TRHDE: variants seen among roughly 807,000 people sequenced by gnomAD.
The protein encoded by TRHDE is thyrotropin releasing hormone degrading enzyme.
TRHDE carries 72 observed loss-of-function variants against 125.7 expected under a neutral mutation model. The ratio of observed to expected loss-of-function variants is 0.57; its 90% CI spans 0.47 to 0.70. The LOEUF (loss-of-function observed/expected upper bound fraction) is 0.70, where lower values mean the gene tolerates loss of function less well. Ranked by LOEUF, TRHDE falls within the 30% of genes least tolerant of loss-of-function variation. The pLI, the probability that TRHDE is intolerant of heterozygous loss-of-function variation, is 0.00. For missense variants in TRHDE, 1,110 were observed against 1,327.1 expected (o/e 0.84, Z 2.54); for synonymous variants, 509 against 509.1 (o/e 1.00, Z 0.00).
Position 72,273,115 on chromosome 12 carries a change from G to T in TRHDE, c.472G>T (p.Gly158Trp), listed in dbSNP as rs1296292625. The T allele has an allele frequency of 5.9e-6, 9 of 1,528,764 alleles. No homozygotes were observed. Among genetic ancestry groups the T allele is most frequent in the Non-Finnish European group, 7.9e-6 (9 of 1,138,062 alleles). 94.7% of individuals were successfully genotyped at this position (1,528,764 alleles called of 1,614,324 possible). ...GGDSWQPEAG[G>W]VASPGTTSAQ... is the part of the protein sequence containing the mutation. ...GGACTCCTGGCAGCCCGAGGCGGGTGGGGTGGCCAGTCCGGGGACCACGTC... is the reference window on the plus strand; with the variant it reads ...GGACTCCTGGCAGCCCGAGGCGGGTTGGGTGGCCAGTCCGGGGACCACGTC... The change falls in exon 1 of 19, where the codon GGG (glycine) becomes TGG (tryptophan). Residue 158 changes from glycine to tryptophan, a missense_variant. Physicochemically the swap from Gly to Trp is radical, Grantham distance 184 (BLOSUM62 -2). This residue lies in a region of TRHDE where 248 missense variants were observed against 240.8 expected (regional missense o/e 1.03). Coordinates refer to ENST00000261180, the MANE Select transcript of TRHDE (RefSeq NM_013381.3). This position sits in a 1 kb window ranked among gnomAD's most constrained non-coding sequence, Gnocchi z 5.3.
At chr12:72,332,283 C>T (rs1041030181) in intron 2 of TRHDE, among the ~76,000 whole-genome samples, 8 of 152,092 alleles carry the variant, frequency 5.3e-5, no homozygotes, top group African/African-American at 1.9e-4. Flanking sequence ...GGACTACAGG[C>T]ACCCGCCACC....
intron 3 of TRHDE, among the ~76,000 whole-genome samples, chr12:72,387,606 A>C (rs1872476572): frequency 6.6e-6 from 1 of 152,112 alleles, no homozygotes; most frequent in Non-Finnish European, 1.5e-5. Flanking sequence ...ATAAAGTCTA[A>C]GATTCTGATA....
intron 2 of TRHDE, among the ~76,000 whole-genome samples, chr12:72,136,252 C>G (rs1422706984): frequency 1.3e-5 from 2 of 152,124 alleles, no homozygotes; most frequent in Non-Finnish European, 2.9e-5. Flanking sequence ...AGAAGCATAA[C>G]ATAACCCATT....
intron 3 of TRHDE, among the ~76,000 whole-genome samples, chr12:72,415,469 C>T (rs1873692285): frequency 1.3e-5 from 2 of 151,912 alleles, no homozygotes; most frequent in Admixed American, 6.6e-5. Context: ...AACACTAGAT[C>T]TTATACCTTC....
At chr12:72,286,479 A>G (rs2139427592) in intron 1 of TRHDE, among the ~76,000 whole-genome samples, 1 of 152,058 alleles carries the variant, frequency 6.6e-6, no homozygotes, top group Admixed American at 6.5e-5. Context: ...TGAGGCAGAA[A>G]CCTCCCTGAA....
intron 2 of TRHDE, among the ~76,000 whole-genome samples, chr12:72,258,839 A>G (rs4408352): frequency 0.22 from 33,878 of 151,986 alleles, 4,314 homozygotes; most frequent in Middle Eastern, 0.37. Flanking sequence ...TCTGTTGTCC[A>G]ATGTTTCCTC....
chr12:72,558,365 A>G (rs1304508629), intron 7 of TRHDE, among the ~76,000 whole-genome samples: 1 of 152,218 alleles, frequency 6.6e-6, no homozygotes, highest in East Asian at 1.9e-4. Flanking sequence ...AAGAATATGT[A>G]GAGAATTGCA....
intron 5 of TRHDE, among the ~76,000 whole-genome samples, chr12:72,494,102 T>C (rs1180473116): frequency 6.6e-6 from 1 of 152,082 alleles, no homozygotes; most frequent in Non-Finnish European, 1.5e-5. Context: ...GAACTAATTA[T>C]CTTATTTAAT....
chr12:72,495,909 T>G (rs958116074), intron 5 of TRHDE, among the ~76,000 whole-genome samples: 1 of 152,196 alleles, frequency 6.6e-6, no homozygotes, highest in Non-Finnish European at 1.5e-5. Context: ...GAATACAAAA[T>G]GATATACTTG....
At chr12:72,231,443 G>C (rs759278378) in intron 2 of TRHDE, among the ~76,000 whole-genome samples, 3 of 152,140 alleles carry the variant, frequency 2.0e-5, no homozygotes, top group Non-Finnish European at 4.4e-5. Flanking sequence ...TAAGAGTTCT[G>C]TTGTGCGATA....
At chr12:72,272,278 G>A, upstream of TRHDE, 1 of 366,294 alleles carries the variant, frequency 2.7e-6, no homozygotes, top group South Asian at 2.0e-5. The surrounding 1 kb of genome is among the most constrained non-coding windows in gnomAD (Gnocchi z 6.7). Context: ...CGCGGAAAGC[G>A]AGGCGAGAGC....
In TRHDE at chr12:72,324,874, G is replaced by T. The variant is rs368162631; in HGVS notation, c.1188+37920G>T. Among the ~76,000 whole-genome samples the T allele has an allele frequency of 1.1e-4, 17 of 152,142 alleles. No homozygotes were observed. In the East Asian group the frequency reaches 3.1e-3, roughly 28 times the overall value. ...CCTTAATGGATAACTATACTTAAAT[G>T]ATGTTCTCTTGTCTTTCTGTCACAA... On this transcript the variant is annotated intron_variant, in intron 2 of 18. Coordinates refer to ENST00000261180, the MANE Select transcript of TRHDE (RefSeq NM_013381.3).
intron 3 of TRHDE, among the ~76,000 whole-genome samples, chr12:72,455,357 T>G (rs932554225): frequency 7.9e-5 from 12 of 152,332 alleles, no homozygotes; most frequent in African/African-American, 2.9e-4. Flanking sequence ...AAAATCTGCA[T>G]ACTTTATACA....
At chr12:72,156,833 G>A (rs1876523854) in intron 2 of TRHDE, among the ~76,000 whole-genome samples, 1 of 152,140 alleles carries the variant, frequency 6.6e-6, no homozygotes, top group Admixed American at 6.5e-5. Context: ...CCCAAGTATA[G>A]GGAATGCTAG....
At chr12:72,313,754 G>A (rs1370618202) in intron 2 of TRHDE, among the ~76,000 whole-genome samples, 1 of 152,148 alleles carries the variant, frequency 6.6e-6, no homozygotes, top group Non-Finnish European at 1.5e-5. Context: ...TATCTTTTAA[G>A]GATGTTTGCA....
chr12:72,592,483 A>G (rs1871725920), intron 12 of TRHDE, among the ~76,000 whole-genome samples: 1 of 151,938 alleles, frequency 6.6e-6, no homozygotes, highest in Admixed American at 6.6e-5. Context: ...TGTATGTTCT[A>G]TTATTTTGAT....
At chr12:72,152,463 C>T (rs1204842764) in intron 2 of TRHDE, among the ~76,000 whole-genome samples, 1 of 152,066 alleles carries the variant, frequency 6.6e-6, no homozygotes, top group Non-Finnish European at 1.5e-5. Context: ...GAGGGCATCC[C>T]TGTCTTGTGC....
chr12:72,579,152 G>C (rs1289634433), intron 12 of TRHDE, among the ~76,000 whole-genome samples: 1 of 151,792 alleles, frequency 6.6e-6, no homozygotes, highest in Non-Finnish European at 1.5e-5. Context: ...ATTTACTTTT[G>C]TAAGTTGAAT....
intron 6 of TRHDE, among the ~76,000 whole-genome samples, chr12:72,523,495 A>G (rs1431381427): frequency 6.6e-6 from 1 of 152,170 alleles, no homozygotes; most frequent in African/African-American, 2.4e-5. Flanking sequence ...CCTAGGGTAA[A>G]GGGCATTGTT....
Sources: allele counts gnomAD v4.1 joint callset (sites outside exome capture counted in the v4.1 genomes callset), GRCh38; gene constraint gnomAD v4.1.1; regional missense constraint gnomAD v4.1.1; non-coding constraint Gnocchi (gnomAD v3.1); transcripts MANE v1.5; gene names NCBI Gene and HGNC (gene_info 2026-07-23, HGNC 2026-07-21).